MPDZ: variants seen among roughly 807,000 people sequenced by gnomAD.
MPDZ encodes the protein multiple PDZ domain crumbs cell polarity complex component.
In MPDZ, 234 loss-of-function variants were observed where a neutral mutation model predicts 239.1. That is an observed-to-expected ratio of 0.98 (90% CI 0.88 to 1.09). The LOEUF is 1.09. Among genes scored for constraint, MPDZ ranks in the 50% least tolerant of loss-of-function variants. The probability of loss-of-function intolerance (pLI) is 0.00; values close to 1 mark genes in which losing one functional copy is unlikely to be tolerated. For synonymous variants in MPDZ, 1,048 were observed against 881.3 expected (o/e 1.19, Z -3.35); for missense variants, 3,175 against 2,510.0 (o/e 1.26, Z -5.66).
Position 13,193,007 on chromosome 9 carries a change from A to T in MPDZ, c.1803+160T>A, listed in dbSNP as rs1490715355. Among the ~76,000 whole-genome samples, 3 of 152,212 alleles carry T rather than the reference A, an allele frequency of 2.0e-5. No individual in the cohort carries two copies. The East Asian group carries it at 5.8e-4, about 29-fold the overall frequency. On this transcript the variant is annotated intron_variant, in intron 14 of 46. Coordinates refer to ENST00000319217, the MANE Select transcript of MPDZ (RefSeq NM_001378778.1). ...AAGCTAAATGTACACACAGATACACAGATACAAAATTTCTGCTTTGGGTTG... is the reference window on the plus strand; with the variant it reads ...AAGCTAAATGTACACACAGATACACTGATACAAAATTTCTGCTTTGGGTTG...
intron 35 of MPDZ, among the ~76,000 whole-genome samples, chr9:13,123,720 A>G (rs1489593751): frequency 6.6e-6 from 1 of 152,204 alleles, no homozygotes; most frequent in African/African-American, 2.4e-5. Flanking sequence ...TGTGGCAAAG[A>G]CCTAGAAGTA....
chr9:13,183,841 G>T (rs986083979), intron 18 of MPDZ, among the ~76,000 whole-genome samples: 1 of 151,856 alleles, frequency 6.6e-6, no homozygotes, highest in Non-Finnish European at 1.5e-5. Flanking sequence ...TTAACAAAGG[G>T]CCTGGATGAA....
intron 10 of MPDZ, among the ~76,000 whole-genome samples, chr9:13,216,563 G>A (rs928755339): frequency 6.6e-6 from 1 of 151,798 alleles, no homozygotes; most frequent in Non-Finnish European, 1.5e-5. Flanking sequence ...GAAGTCTCCC[G>A]TTTGGAACTG....
At chr9:13,154,330 A>G (rs974430373) in intron 24 of MPDZ, among the ~76,000 whole-genome samples, 3 of 151,934 alleles carry the variant, frequency 2.0e-5, no homozygotes, top group African/African-American at 7.3e-5. Flanking sequence ...ATCGTTATGT[A>G]GGGAAAAAAA....
At chr9:13,114,900 A>AAAATAAATAAATAAATAAAT (rs755822098) in intron 40 of MPDZ, among the ~76,000 whole-genome samples, 2 of 151,882 alleles carry the variant, frequency 1.3e-5, no homozygotes, top group African/African-American at 4.8e-5. Flanking sequence ...ACTCTGTCTC[A>AAAATAAATAAATAAATAAAT]AAATAAATAA....
chr9:13,179,792 T>C (rs1212503679), intron 19 of MPDZ, among the ~76,000 whole-genome samples: 1 of 152,142 alleles, frequency 6.6e-6, no homozygotes, highest in Non-Finnish European at 1.5e-5. Flanking sequence ...TTAAGCGCAA[T>C]GCATAAATTA....
intron 1 of MPDZ, among the ~76,000 whole-genome samples, chr9:13,266,345 G>C (rs1031242869): frequency 3.9e-5 from 6 of 152,198 alleles, no homozygotes; most frequent in African/African-American, 1.4e-4. Flanking sequence ...CTGTGCTTGT[G>C]GTGACTAGTG....
In MPDZ at chr9:13,133,822, A is replaced by G; in HGVS notation, c.4464+2T>C. On this transcript the variant is annotated splice_donor_variant, in intron 32 of 46. Transcript: ENST00000319217. LOFTEE classifies it high-confidence loss of function. ...TTTCATTCCAATTCAAAGCAGATTTACCTTGGGAAGCTCCAGATGTTGCAC... is the reference window on the plus strand; with the variant it reads ...TTTCATTCCAATTCAAAGCAGATTTGCCTTGGGAAGCTCCAGATGTTGCAC... 1 of 1,585,462 alleles carries G rather than the reference A, an allele frequency of 6.3e-7. No individual in the cohort carries two copies. Among genetic ancestry groups the G allele is most frequent in the South Asian group, 1.1e-5 (1 of 89,626 alleles).
chr9:13,119,955 CA>C (rs1944083867), intron 38 of MPDZ: 1 of 326,126 alleles, frequency 3.1e-6, no homozygotes, highest in African/African-American at 2.2e-5. Context: ...TACTAAGTGG[CA>C]AAAGTAAGAC....
At position 13,113,938 on chromosome 9, in the gene MPDZ, CT is replaced by C. The variant is rs1161264234; in HGVS notation, c.5549del (p.Lys1850ArgfsTer11). 1 of 1,588,100 alleles carries C rather than the reference CT, an allele frequency of 6.3e-7. No individual in the cohort carries two copies. The highest frequency in any genetic ancestry group is 8.6e-7 in the Non-Finnish European group (1 of 1,166,064). The stretch of plus-strand genomic sequence containing the variant: ...ATACTGAACCAATCTTACATGCATT[CT>C]TCTTTGAGCTACTTTCCAGTGACTC... ...TSESLESSSK[K>X]NALASEIQGL... On this transcript the variant is annotated frameshift_variant, in exon 41 of 47. Coordinates refer to ENST00000319217, the MANE Select transcript of MPDZ (RefSeq NM_001378778.1). LOFTEE classifies it high-confidence loss of function.
chr9:13,234,564 A>G (rs1413367273), intron 3 of MPDZ, among the ~76,000 whole-genome samples: 1 of 152,160 alleles, frequency 6.6e-6, no homozygotes, highest in Non-Finnish European at 1.5e-5. Context: ...TAAAATGACC[A>G]AAATACTTAT....
intron 19 of MPDZ, among the ~76,000 whole-genome samples, chr9:13,180,079 C>G (rs1285914533): frequency 6.6e-6 from 1 of 152,062 alleles, no homozygotes; most frequent in South Asian, 2.1e-4. Flanking sequence ...GCAATTTTGT[C>G]ACTAAGACTC....
In MPDZ at chr9:13,230,488, G is replaced by A. The variant is rs1018512377; in HGVS notation, c.184-5905C>T. On this transcript the variant is annotated intron_variant, in intron 3 of 46. Transcript: ENST00000319217. Reference sequence around the variant, plus strand: ...TATATGCAACTTCAAGATATCAAGGGCATTATGCTGCATGAAGACAAGCCA... The same window carrying A: ...TATATGCAACTTCAAGATATCAAGGACATTATGCTGCATGAAGACAAGCCA... 9.9e-5 allele frequency among the ~76,000 whole-genome samples: 15 copies of A among 152,096 alleles called. No homozygotes were observed. The East Asian group carries it at 2.1e-3, about 22-fold the overall frequency.
intron 24 of MPDZ, among the ~76,000 whole-genome samples, chr9:13,151,999 C>T (rs1215635694): frequency 6.6e-6 from 1 of 151,948 alleles, no homozygotes; most frequent in African/African-American, 2.4e-5. Flanking sequence ...ACTCATACTC[C>T]AGGCTGTGGC....
At chr9:13,162,656 A>G (rs766390737) in intron 23 of MPDZ, 35 bp downstream of exon 23, 1 of 1,414,154 alleles carries the variant, frequency 7.1e-7, no homozygotes, top group African/African-American at 1.4e-5. Flanking sequence ...AACTTGCTGT[A>G]CCATTCATTG....
chr9:13,217,147 A>C (rs764567542), intron 9 of MPDZ, 33 bp downstream of exon 9: 1 of 1,318,554 alleles, frequency 7.6e-7, no homozygotes, highest in African/African-American at 1.5e-5. Flanking sequence ...GGTAATTGTC[A>C]AGTTTAAAAG....
chr9:13,150,171 A>G (rs1301681321), intron 25 of MPDZ, among the ~76,000 whole-genome samples: 1 of 152,012 alleles, frequency 6.6e-6, no homozygotes, highest in East Asian at 1.9e-4. Flanking sequence ...GAACATAATT[A>G]TTTTACCTTG....
intron 1 of MPDZ, among the ~76,000 whole-genome samples, chr9:13,278,476 G>A (rs143440223): frequency 3.3e-4 from 51 of 152,298 alleles, no homozygotes; most frequent in African/African-American, 1.2e-3. Flanking sequence ...TGTGACTGCA[G>A]GCAAGAATAG....
chr9:13,234,988 T>C (rs1481468272), intron 3 of MPDZ, among the ~76,000 whole-genome samples: 4 of 152,104 alleles, frequency 2.6e-5, no homozygotes, highest in Middle Eastern at 3.2e-3. Context: ...GCACCAAACA[T>C]GATAGCAATC....
Sources: gnomAD v4.1 joint callset for allele counts (sites outside exome capture counted in the v4.1 genomes callset) on GRCh38, gnomAD v4.1.1 for gene constraint, MANE v1.5 for transcripts, NCBI Gene and HGNC (gene_info 2026-07-23, HGNC 2026-07-21) for gene names.